Variants in KPNA4 observed in about 807,000 individuals in gnomAD.
KPNA4 encodes the protein importin subunit alpha-3.
KPNA4 carries 13 observed loss-of-function variants against 71.3 expected under a neutral mutation model. The ratio of observed to expected loss-of-function variants is 0.18; its 90% CI spans 0.12 to 0.29. KPNA4 has a LOEUF of 0.29. Among genes scored for constraint, KPNA4 ranks in the 10% least tolerant of loss-of-function variants. The probability of loss-of-function intolerance (pLI) is 1.00; values close to 1 mark genes in which losing one functional copy is unlikely to be tolerated. For missense variants in KPNA4, 334 were observed against 603.2 expected (o/e 0.55, Z 4.67); for synonymous variants, 189 against 195.2 (o/e 0.97, Z 0.26).
intron 11 of KPNA4, among the ~76,000 whole-genome samples, chr3:160,518,631 G>A (rs947572738): frequency 1.3e-5 from 2 of 151,440 alleles, no homozygotes; most frequent in African/African-American, 2.4e-5. Context: ...AGGCCGAGGC[G>A]GGTGGATCAC....
Position 160,565,302 on chromosome 3 carries a change from T to C in KPNA4, c.-20A>G. On this transcript the variant is annotated 5_prime_UTR_variant, in exon 1 of 17. Coordinates refer to ENST00000334256, the MANE Select transcript of KPNA4 (RefSeq NM_002268.5). The stretch of plus-strand genomic sequence containing the variant: ...CGCCATGGCCGGGCCGGTGACTCCT[T>C]CCCCCGCCCGGGCCCCGCGGGATCC... 1 of 1,577,544 alleles carries C rather than the reference T, an allele frequency of 6.3e-7. No individual in the cohort carries two copies. The highest frequency in any genetic ancestry group is 1.2e-5 in the South Asian group (1 of 86,584).
At chr3:160,527,103 G>C (rs1461572802) in intron 8 of KPNA4, among the ~76,000 whole-genome samples, 1 of 152,100 alleles carries the variant, frequency 6.6e-6, no homozygotes, top group East Asian at 1.9e-4. Context: ...TTCCATGCAA[G>C]AATAAAGAAT....
Position 160,495,731 on chromosome 3 carries a change from C to T in KPNA4, c.*6373G>A, listed in dbSNP as rs1229985510. The T allele has an allele frequency of 6.6e-6, 1 of 150,868 alleles. No individual in the cohort carries two copies. Among genetic ancestry groups the T allele is most frequent in the Non-Finnish European group, 1.5e-5 (1 of 67,878 alleles). 9.3% of individuals were successfully genotyped at this position (150,868 alleles called of 1,614,324 possible). A position where few individuals can be genotyped will look rare whatever the true frequency, so the allele number is the denominator to read the frequency against. On this transcript the variant is annotated 3_prime_UTR_variant, in exon 17 of 17. Transcript: ENST00000334256. ...TACTAGATGTGTGGCGGAATATACC[C>T]ATTTATGAAGGCAGCACATCGGCAA...
intron 13 of KPNA4, among the ~76,000 whole-genome samples, chr3:160,512,821 C>T (rs565872678): frequency 4.9e-4 from 74 of 151,302 alleles, no homozygotes; most frequent in African/African-American, 1.7e-3. Flanking sequence ...GACAGCGAGA[C>T]CGTCTAAAAA....
At chr3:160,512,606 C>G (rs1721118751) in intron 13 of KPNA4, among the ~76,000 whole-genome samples, 1 of 152,116 alleles carries the variant, frequency 6.6e-6, no homozygotes, top group Admixed American at 6.5e-5. Context: ...TGGCTCACAC[C>G]TGATCACTTG....
chr3:160,509,512 A>G (rs1052847818), intron 14 of KPNA4, among the ~76,000 whole-genome samples: 3 of 152,192 alleles, frequency 2.0e-5, no homozygotes, highest in African/African-American at 7.2e-5. Flanking sequence ...ATGAAGTATG[A>G]CGAAAGGAAG....
chr3:160,515,967 T>C lies in KPNA4; in HGVS notation c.904-387A>G, dbSNP rs117397315. 6.7e-3 allele frequency among the ~76,000 whole-genome samples: 1,025 copies of C among 151,946 alleles called. 48 individuals are homozygous for C. The highest frequency in any genetic ancestry group is 0.055 in the Admixed American group (838 of 15,268). On this transcript the variant is annotated intron_variant, in intron 11 of 16. Transcript: ENST00000334256. ...AGGTACCTTATAAAAGACAAATGCA[T>C]TCATTCACTATTTCTTCCAACAAAC...
intron 9 of KPNA4, 33 bp downstream of exon 9, chr3:160,525,905 T>C: frequency 6.5e-7 from 1 of 1,533,322 alleles, no homozygotes; most frequent in Non-Finnish European, 8.8e-7. Flanking sequence ...TATATAATGG[T>C]ATCTCTTTTA....
rs1052898542 is a variant in KPNA4, at chr3:160,565,336, C to G, written c.-54G>C. ...CGGGCCCCGCGGGATCCGCCCCAAC[C>G]AACGCGCCGCACCGACACTCCCAGG... On this transcript the variant is annotated 5_prime_UTR_variant, in exon 1 of 17. Transcript: ENST00000334256. The G allele has an allele frequency of 3.1e-5, 44 of 1,437,122 alleles. No individual in the cohort carries two copies. The highest frequency in any genetic ancestry group is 4.1e-5 in the Non-Finnish European group (43 of 1,044,510). 89.0% of individuals were successfully genotyped at this position (1,437,122 alleles called of 1,614,324 possible).
At chr3:160,504,099 T>C (rs992254488) in intron 16 of KPNA4, among the ~76,000 whole-genome samples, 4 of 152,178 alleles carry the variant, frequency 2.6e-5, no homozygotes, top group Admixed American at 2.0e-4. Context: ...AAAAAAACTT[T>C]TCTTAATTTT....
At position 160,552,025 on chromosome 3, in the gene KPNA4, C is replaced by T. The variant is rs1722051208; in HGVS notation, c.69+13189G>A. 2.6e-5 allele frequency among the ~76,000 whole-genome samples: 4 copies of T among 151,708 alleles called. No homozygotes were observed. In the South Asian group the frequency reaches 6.2e-4, roughly 24 times the overall value. On this transcript the variant is annotated intron_variant, in intron 1 of 16. Transcript: ENST00000334256. Reference sequence around the variant, plus strand: ...ACATCCTACAGTGTACAGGACACTCCCCCATCCCCCAACAAATTATCTGGC... The same window carrying T: ...ACATCCTACAGTGTACAGGACACTCTCCCATCCCCCAACAAATTATCTGGC...
chr3:160,504,044 A>G (rs1189513205), intron 16 of KPNA4, among the ~76,000 whole-genome samples: 3 of 152,154 alleles, frequency 2.0e-5, no homozygotes, highest in Admixed American at 6.6e-5. Flanking sequence ...TGACTGCGCC[A>G]ATGCACTCCA....
At chr3:160,534,563 C>T (rs897583413) in intron 5 of KPNA4, among the ~76,000 whole-genome samples, 6 of 150,598 alleles carry the variant, frequency 4.0e-5, no homozygotes, top group African/African-American at 1.5e-4. Context: ...ACTAAAAATA[C>T]AAAAATTAGC....
rs534294857 is a variant in KPNA4 at position 160,538,170 on chromosome 3, T to C, written c.70-1330A>G. Among the ~76,000 whole-genome samples, 19 of 150,550 alleles carry C rather than the reference T, an allele frequency of 1.3e-4. 1 individual carries two copies. Among genetic ancestry groups the C allele is most frequent in the African/African-American group, 4.6e-4 (19 of 41,230 alleles). On this transcript the variant is annotated intron_variant, in intron 1 of 16. Coordinates refer to ENST00000334256, the MANE Select transcript of KPNA4 (RefSeq NM_002268.5). ...GTATATATATGTATATATGTGTGTA[T>C]ATATGTACATATATATACATATTTA...
At chr3:160,554,664 G>T (rs1722102120) in intron 1 of KPNA4, among the ~76,000 whole-genome samples, 1 of 152,104 alleles carries the variant, frequency 6.6e-6, no homozygotes. Flanking sequence ...CCAACCTCTG[G>T]GGAGGGAAAA....
chr3:160,553,516 T>TAC (rs1722080280), intron 1 of KPNA4, among the ~76,000 whole-genome samples: 2 of 152,182 alleles, frequency 1.3e-5, no homozygotes, highest in Admixed American at 1.3e-4. Flanking sequence ...CATGAACACC[T>TAC]ACCATCAAGA....
chr3:160,545,386 A>G (rs1232034284), intron 1 of KPNA4, among the ~76,000 whole-genome samples: 1 of 147,722 alleles, frequency 6.8e-6, no homozygotes, highest in African/African-American at 2.4e-5. Context: ...GTTAAGGAGA[A>G]AACAGAACAA....
chr3:160,548,213 T>G (rs573227698), intron 1 of KPNA4, among the ~76,000 whole-genome samples: 135 of 152,330 alleles, frequency 8.9e-4, no homozygotes, highest in Middle Eastern at 3.4e-3. Context: ...TGGGTTTTTT[T>G]TTGTTGTTGT....
rs142655769 is a variant in KPNA4, at chr3:160,531,722, A to G, written c.288-165T>C. The stretch of plus-strand genomic sequence containing the variant: ...TGCAACCTTTTCTCTAAATTTATAA[A>G]AAGATATACAAATTAAATTTATAGA... On this transcript the variant is annotated intron_variant, in intron 5 of 16. Coordinates refer to ENST00000334256, the MANE Select transcript of KPNA4 (RefSeq NM_002268.5). 4.5e-3 allele frequency among the ~76,000 whole-genome samples: 680 copies of G among 152,364 alleles called. 7 individuals are homozygous for G. The highest frequency in any genetic ancestry group is 0.016 in the African/African-American group (657 of 41,600).
Sources: gnomAD v4.1 joint callset for allele counts (sites outside exome capture counted in the v4.1 genomes callset) on GRCh38, gnomAD v4.1.1 for gene constraint, MANE v1.5 for transcripts, NCBI Gene and HGNC (gene_info 2026-07-23, HGNC 2026-07-21) for gene names.